PTPRT: variants seen among roughly 807,000 people sequenced by gnomAD.
The protein encoded by PTPRT is receptor-type tyrosine-protein phosphatase T.
PTPRT carries 56 observed loss-of-function variants against 176.8 expected under a neutral mutation model. That is an observed-to-expected ratio of 0.32 (90% CI 0.26 to 0.40). The LOEUF (loss-of-function observed/expected upper bound fraction) is 0.40. Among genes scored for constraint, PTPRT ranks in the 10% least tolerant of loss-of-function variants. PTPRT has a pLI of 1.00. For missense variants in PTPRT, 1,540 were observed against 1,908.2 expected, an observed-to-expected ratio of 0.81 and a Z score of 3.60; for synonymous variants, 783 against 739.0, an observed-to-expected ratio of 1.06 and a Z score of -0.96.
At chr20:42,223,982 G>C (rs2055946025) in intron 15 of PTPRT, among the ~76,000 whole-genome samples, 1 of 152,136 alleles carries the variant, frequency 6.6e-6, no homozygotes, top group Non-Finnish European at 1.5e-5. Context: ...ACAGGGTTTT[G>C]ACCACACTAA....
chr20:42,430,816 C>T (rs2059210206), intron 9 of PTPRT, among the ~76,000 whole-genome samples: 1 of 152,208 alleles, frequency 6.6e-6, no homozygotes, highest in Non-Finnish European at 1.5e-5. Flanking sequence ...CATCAGCCTG[C>T]TCTGAGAGTA....
At chr20:42,819,085 A>G (rs574022501) in intron 2 of PTPRT, among the ~76,000 whole-genome samples, 1 of 152,288 alleles carries the variant, frequency 6.6e-6, no homozygotes, top group Non-Finnish European at 1.5e-5. Context: ...GATCAACTCC[A>G]AGACACACAG....
chr20:42,679,433 T>C (rs1204466204), intron 6 of PTPRT, among the ~76,000 whole-genome samples: 1 of 152,134 alleles, frequency 6.6e-6, no homozygotes, highest in Non-Finnish European at 1.5e-5. Flanking sequence ...TGCCTCTTAA[T>C]ACTCATCTTT....
chr20:42,755,961 A>T (rs998021329), intron 6 of PTPRT, among the ~76,000 whole-genome samples: 1 of 152,266 alleles, frequency 6.6e-6, no homozygotes, highest in Non-Finnish European at 1.5e-5. Context: ...TGTAAACAGT[A>T]TCTCAAGGTG....
intron 13 of PTPRT, among the ~76,000 whole-genome samples, chr20:42,278,106 T>C (rs1164579801): frequency 1.1e-5 from 1 of 88,264 alleles, no homozygotes; most frequent in African/African-American, 4.0e-5. Flanking sequence ...TATATATATA[T>C]ATATATATAT....
chr20:42,627,257 C>T (rs933942630), intron 7 of PTPRT, among the ~76,000 whole-genome samples: 4 of 148,592 alleles, frequency 2.7e-5, no homozygotes, highest in African/African-American at 9.8e-5. Context: ...ACTGTTTTTC[C>T]ATGTTTCTTT....
intron 4 of PTPRT, among the ~76,000 whole-genome samples, chr20:42,772,864 T>A (rs1400122446): frequency 1.3e-5 from 2 of 152,254 alleles, no homozygotes; most frequent in Non-Finnish European, 1.5e-5. Context: ...GCATGCTCTA[T>A]CTAATTTAAC....
chr20:42,328,035 C>T (rs1160854281), intron 11 of PTPRT, among the ~76,000 whole-genome samples: 2 of 151,966 alleles, frequency 1.3e-5, no homozygotes, highest in Non-Finnish European at 2.9e-5. Context: ...ATTGCTAAAT[C>T]AAAATTCTGC....
intron 7 of PTPRT, among the ~76,000 whole-genome samples, chr20:42,624,094 C>T (rs1040480): frequency 0.21 from 31,475 of 151,304 alleles, 4,495 homozygotes; most frequent in African/African-American, 0.41. Flanking sequence ...GTACCAGGCA[C>T]TGTCCTAGGT....
chr20:42,548,433 A>G (rs757093284), intron 7 of PTPRT, among the ~76,000 whole-genome samples: 10 of 152,268 alleles, frequency 6.6e-5, no homozygotes, highest in South Asian at 2.1e-4. Context: ...AGATTTGTAG[A>G]TATGTTGGAA....
intron 1 of PTPRT, among the ~76,000 whole-genome samples, chr20:42,977,762 T>C (rs1463720627): frequency 6.6e-6 from 1 of 152,258 alleles, no homozygotes; most frequent in African/African-American, 2.4e-5. Flanking sequence ...AGCCACATAA[T>C]TATTTTAGCT....
chr20:42,301,869 C>T (rs965792941), intron 12 of PTPRT, among the ~76,000 whole-genome samples: 6 of 152,186 alleles, frequency 3.9e-5, no homozygotes, highest in Non-Finnish European at 7.4e-5. Flanking sequence ...ACAAATTTGA[C>T]GATGGGTTGA....
At chr20:42,977,044 C>CTTAG (rs1386149789) in intron 1 of PTPRT, among the ~76,000 whole-genome samples, 1 of 152,154 alleles carries the variant, frequency 6.6e-6, no homozygotes, top group Non-Finnish European at 1.5e-5. Context: ...GCCAGCCTGA[C>CTTAG]TTAGCCCTCT....
intron 13 of PTPRT, among the ~76,000 whole-genome samples, chr20:42,274,581 G>A (rs6130095): frequency 0.38 from 50,243 of 133,938 alleles, 8,873 homozygotes; most frequent in Non-Finnish European, 0.42. Context: ...GTGTGTGTGT[G>A]TGTGTGTGTG....
chr20:42,801,167 G>A (rs6130225), intron 2 of PTPRT, among the ~76,000 whole-genome samples: 20 of 152,244 alleles, frequency 1.3e-4, no homozygotes, highest in Non-Finnish European at 2.6e-4. Flanking sequence ...ACTTATTACC[G>A]TGTGTGCTGC....
chr20:42,685,001 G>C (rs2075667565), intron 6 of PTPRT, among the ~76,000 whole-genome samples: 1 of 152,148 alleles, frequency 6.6e-6, no homozygotes, highest in Admixed American at 6.5e-5. Context: ...TGGGTGGGTA[G>C]ATACCCATCC....
At chr20:42,367,412 C>G (rs1280887542) in intron 9 of PTPRT, among the ~76,000 whole-genome samples, 1 of 152,130 alleles carries the variant, frequency 6.6e-6, no homozygotes, top group East Asian at 1.9e-4. Flanking sequence ...ATCTCTTGGG[C>G]AGTATCAGTA....
At chr20:42,109,751 C>T (rs142825447) in intron 23 of PTPRT, among the ~76,000 whole-genome samples, 75 of 152,230 alleles carry the variant, frequency 4.9e-4, no homozygotes, top group African/African-American at 1.8e-3. Flanking sequence ...CCAGACTGGA[C>T]GAGAAGTAAA....
intron 1 of PTPRT, among the ~76,000 whole-genome samples, chr20:43,032,200 T>G (rs560379776): frequency 6.6e-6 from 1 of 152,298 alleles, no homozygotes; most frequent in Non-Finnish European, 1.5e-5. Flanking sequence ...TCTTTCTTCC[T>G]GGACCTGCAT....
Sources: gnomAD v4.1 joint callset for allele counts (sites outside exome capture counted in the v4.1 genomes callset) on GRCh38, gnomAD v4.1.1 for gene constraint, MANE v1.5 for transcripts, NCBI Gene and HGNC (gene_info 2026-07-23, HGNC 2026-07-21) for gene names.